The following NRCAM variants were observed in gnomAD, a reference collection of about 807,000 sequenced individuals.
The protein encoded by NRCAM is NgCAM-related cell adhesion molecule.
In NRCAM, 83 loss-of-function variants were observed where a neutral mutation model predicts 156.5. The ratio of observed to expected loss-of-function variants is 0.53; its 90% CI spans 0.44 to 0.64. The LOEUF is 0.64. NRCAM is among the 30% of genes least tolerant of loss of function. NRCAM has a pLI of 0.00. For synonymous variants in NRCAM, 538 were observed against 563.9 expected (o/e 0.95, Z 0.65); for missense variants, 1,417 against 1,597.3 (o/e 0.89, Z 1.92).
At chr7:108,335,433 GCT>G (rs869139663) in intron 2 of NRCAM, among the ~76,000 whole-genome samples, 1 of 62,698 alleles carries the variant, frequency 1.6e-5, no homozygotes, top group African/African-American at 5.7e-5. Context: ...TGTTCCACCT[GCT>G]TTTTTTTTTT....
At chr7:108,328,269 C>T (rs1302675393) in intron 2 of NRCAM, among the ~76,000 whole-genome samples, 1 of 152,142 alleles carries the variant, frequency 6.6e-6, no homozygotes, top group Non-Finnish European at 1.5e-5. Context: ...AAGCTTCAGA[C>T]AAGCTGTTAT....
intron 2 of NRCAM, among the ~76,000 whole-genome samples, chr7:108,384,265 T>G (rs937251861): frequency 6.6e-6 from 1 of 151,410 alleles, no homozygotes; most frequent in Non-Finnish European, 1.5e-5. Context: ...AAAAACCCAA[T>G]AATAAAAATT....
chr7:108,284,566 C>A (rs1046086731), intron 3 of NRCAM, among the ~76,000 whole-genome samples: 1 of 152,136 alleles, frequency 6.6e-6, no homozygotes, highest in Non-Finnish European at 1.5e-5. Context: ...TATGATTTGA[C>A]ACTTGCTCAC....
At chr7:108,174,800 C>T (rs945030331) in intron 28 of NRCAM, among the ~76,000 whole-genome samples, 2 of 152,186 alleles carry the variant, frequency 1.3e-5, no homozygotes, top group East Asian at 1.9e-4. Context: ...ACCCTAAGCT[C>T]GGGGAGACTT....
Position 108,444,371 on chromosome 7 carries a change from C to CT in NRCAM, c.-332+11871dup, listed in dbSNP as rs55925720. On this transcript the variant is annotated intron_variant, in intron 1 of 32. Transcript: ENST00000379028. ...CAGAGGTATGGGAAAGCTGTATTCT[C>CT]TTTTTTTTTGGTAAGAAATAGGTTT... Among the ~76,000 whole-genome samples the CT allele has an allele frequency of 2.3e-3, 341 of 150,690 alleles. 1 individual carries two copies. Among genetic ancestry groups the CT allele is most frequent in the African/African-American group, 7.6e-3 (310 of 41,052 alleles).
rs1056320433 is a variant in NRCAM at position 108,191,737 on chromosome 7, C to T, written c.1895G>A (p.Ser632Asn). ...TTTGTTTTCGTTCTTACCAACAACG[C>T]TAAGCACAGCGCTGGCGGAGACGCT... ...LDSVSASAVL[S>N]VVAPTPTPAP... The change falls in exon 18 of 33, where the codon AGC becomes AAC. Residue 632 changes from serine to asparagine, a missense_variant. Transcript: ENST00000379028. The T allele has an allele frequency of 6.2e-7, 1 of 1,609,218 alleles. No homozygotes were observed.
chr7:108,410,033 A>G (rs184823546), intron 1 of NRCAM, among the ~76,000 whole-genome samples: 1 of 152,204 alleles, frequency 6.6e-6, no homozygotes, highest in Non-Finnish European at 1.5e-5. Flanking sequence ...CATTACAAAA[A>G]GAAGAACCCT....
At chr7:108,278,573 G>A (rs1436900553) in intron 3 of NRCAM, among the ~76,000 whole-genome samples, 1 of 151,756 alleles carries the variant, frequency 6.6e-6, no homozygotes, top group Non-Finnish European at 1.5e-5. Flanking sequence ...ACCAGGCACA[G>A]GAGGTAATCT....
chr7:108,171,155 TG>T (rs1349023905), intron 28 of NRCAM, among the ~76,000 whole-genome samples: 2 of 152,176 alleles, frequency 1.3e-5, no homozygotes, highest in East Asian at 3.9e-4. Context: ...ACAAGGGAGC[TG>T]TAGTGTCCCC....
chr7:108,245,945 C>G, intron 3 of NRCAM, among the ~76,000 whole-genome samples: 1 of 151,870 alleles, frequency 6.6e-6, no homozygotes, highest in East Asian at 1.9e-4. Context: ...AATGATGAAG[C>G]ATAGTTAATG....
intron 2 of NRCAM, among the ~76,000 whole-genome samples, chr7:108,393,292 C>A (rs187397143): frequency 6.6e-6 from 1 of 152,292 alleles, no homozygotes. Flanking sequence ...AGCCTCGCTG[C>A]CACCTTGCAG....
chr7:108,214,984 C>T (rs1269624), intron 11 of NRCAM, among the ~76,000 whole-genome samples: 146,490 of 152,228 alleles, frequency 0.96, 70,512 homozygotes, highest in East Asian at 1. Flanking sequence ...TTCTGTTCTT[C>T]TGCATTTGGT....
chr7:108,240,336 T>C (rs1434339458), intron 3 of NRCAM, among the ~76,000 whole-genome samples, 166 bp from the exon 4 acceptor site: 1 of 152,224 alleles, frequency 6.6e-6, no homozygotes, highest in Non-Finnish European at 1.5e-5. Context: ...CATTTATTCA[T>C]AAATCAGCTA....
At chr7:108,404,972 T>C (rs2099803207) in intron 1 of NRCAM, among the ~76,000 whole-genome samples, 1 of 152,186 alleles carries the variant, frequency 6.6e-6, no homozygotes, top group African/African-American at 2.4e-5. Flanking sequence ...AGATGGCAAT[T>C]CCAAGAAAAG....
chr7:108,405,044 C>T (rs1040655616), intron 1 of NRCAM, among the ~76,000 whole-genome samples: 1 of 152,208 alleles, frequency 6.6e-6, no homozygotes, highest in Non-Finnish European at 1.5e-5. Flanking sequence ...AGTGACTTAG[C>T]AGCACAGAGA....
intron 2 of NRCAM, among the ~76,000 whole-genome samples, chr7:108,381,651 C>G (rs1214400119): frequency 1.3e-5 from 2 of 151,766 alleles, no homozygotes; most frequent in African/African-American, 4.8e-5. Context: ...CCTCCGCCTC[C>G]CAGGTTCAAG....
intron 3 of NRCAM, among the ~76,000 whole-genome samples, chr7:108,249,015 C>T (rs1026271522): frequency 6.6e-6 from 1 of 152,146 alleles, no homozygotes; most frequent in Middle Eastern, 3.2e-3. Flanking sequence ...AAGCTACCTC[C>T]TCTGTCTTCC....
intron 22 of NRCAM, 56 bp from the exon 23 acceptor site, chr7:108,182,976 T>G: frequency 7.2e-7 from 1 of 1,392,676 alleles, no homozygotes; most frequent in Non-Finnish European, 1.0e-6. Flanking sequence ...GCACAATCTT[T>G]TACAGGAACA....
intron 28 of NRCAM, among the ~76,000 whole-genome samples, chr7:108,171,941 GAGTC>G (rs2058599392): frequency 6.6e-6 from 1 of 152,158 alleles, no homozygotes. Flanking sequence ...AATGTAGTGA[GAGTC>G]AGATCACAGA....
Sources: allele counts gnomAD v4.1 joint callset (sites outside exome capture counted in the v4.1 genomes callset), GRCh38; gene constraint gnomAD v4.1.1; transcripts MANE v1.5; gene names NCBI Gene and HGNC (gene_info 2026-07-23, HGNC 2026-07-21).